The following RFTN1 variants were observed in gnomAD, a reference collection of about 807,000 sequenced individuals.
The protein encoded by RFTN1 is raftlin, lipid raft linker 1, also known as raftlin.
Under a neutral mutation model 46.5 loss-of-function variants are expected in RFTN1, and 26 were observed. The observed-to-expected ratio is 0.56, with a 90% CI of 0.41 to 0.78. RFTN1 has a LOEUF of 0.78. Ranked by LOEUF, RFTN1 falls within the 30% of genes least tolerant of loss-of-function variation. RFTN1 has a pLI of 0.00. For missense variants in RFTN1, 693 were observed against 718.7 expected (o/e 0.96, Z 0.41); for synonymous variants, 261 against 284.2 (o/e 0.92, Z 0.82).
intron 3 of RFTN1, among the ~76,000 whole-genome samples, chr3:16,423,856 A>T (rs2075241778): frequency 6.6e-6 from 1 of 152,204 alleles, no homozygotes; most frequent in Non-Finnish European, 1.5e-5. Flanking sequence ...TCTAACAAAG[A>T]CTGCTACCTT....
Position 16,317,842 on chromosome 3 carries a change from C to T in RFTN1, c.1333-610G>A, listed in dbSNP as rs2068589237. Among the ~76,000 whole-genome samples, 1 of 152,178 alleles carries T rather than the reference C, an allele frequency of 6.6e-6. No homozygotes were observed. The highest frequency in any genetic ancestry group is 2.4e-5 in the African/African-American group (1 of 41,438). The stretch of plus-strand genomic sequence containing the variant: ...GGCAACCTACAACCAATGACTGCCC[C>T]AGGTGGGATACAACAACCCATTTCC... On this transcript the variant is annotated intron_variant, in intron 9 of 9. Coordinates refer to ENST00000334133, the MANE Select transcript of RFTN1 (RefSeq NM_015150.2). This position sits in a 1 kb window ranked among gnomAD's most constrained non-coding sequence, Gnocchi z 4.3.
chr3:16,377,219 G>T (rs2073809556), intron 5 of RFTN1, among the ~76,000 whole-genome samples: 2 of 151,990 alleles, frequency 1.3e-5, no homozygotes, highest in Non-Finnish European at 2.9e-5. Context: ...AGGCGTGAAG[G>T]GATGGTGGGT....
At position 16,498,064 on chromosome 3, in the gene RFTN1, T is replaced by C. The variant is rs982262532; in HGVS notation, c.-8-4187A>G. On this transcript the variant is annotated intron_variant, in intron 1 of 9. Transcript: ENST00000334133. The surrounding 1 kb of genome is among the most constrained non-coding windows in gnomAD (Gnocchi z 5.2). Reference sequence around the variant, plus strand: ...CTGCCCCAGCTCATCCCAAAGGGCATTGTGCTTGATATCACAGGACATAAA... The same window carrying C: ...CTGCCCCAGCTCATCCCAAAGGGCACTGTGCTTGATATCACAGGACATAAA... Among the ~76,000 whole-genome samples, 1 of 152,168 alleles carries C rather than the reference T, an allele frequency of 6.6e-6. No homozygotes were observed. Among genetic ancestry groups the C allele is most frequent in the African/African-American group, 2.4e-5 (1 of 41,448 alleles).
rs964561547 is a variant in RFTN1 at position 16,316,796 on chromosome 3, C to T, written c.*32G>A. 7 of 1,612,346 alleles carry T rather than the reference C, an allele frequency of 4.3e-6. No individual in the cohort carries two copies. Among genetic ancestry groups the T allele is most frequent in the Middle Eastern group, 1.7e-4 (1 of 6,050 alleles). Reference sequence around the variant, plus strand: ...TGGTAAGATGCCTTGGGTTTGGCAACTCACCTAGTTTTAGCACAAATTGCC... The same window carrying T: ...TGGTAAGATGCCTTGGGTTTGGCAATTCACCTAGTTTTAGCACAAATTGCC... On this transcript the variant is annotated 3_prime_UTR_variant, in exon 10 of 10. Coordinates refer to ENST00000334133, the MANE Select transcript of RFTN1 (RefSeq NM_015150.2). The surrounding 1 kb of genome is among the most constrained non-coding windows in gnomAD (Gnocchi z 4.5).
At position 16,465,928 on chromosome 3, in the gene RFTN1, C is replaced by T. The variant is rs191932096; in HGVS notation, c.145+27797G>A. Among the ~76,000 whole-genome samples, 5 of 152,306 alleles carry T rather than the reference C, an allele frequency of 3.3e-5. No individual in the cohort carries two copies. In the East Asian group the frequency reaches 5.8e-4, roughly 18 times the overall value. Reference sequence around the variant, plus strand: ...TAAAAGTTGAGAAACAAAAAGCTCTCGGGCCTCCCTGACAAGATTCCATAG... The same window carrying T: ...TAAAAGTTGAGAAACAAAAAGCTCTTGGGCCTCCCTGACAAGATTCCATAG... On this transcript the variant is annotated intron_variant, in intron 2 of 9. Transcript: ENST00000334133. The surrounding 1 kb of genome is among the most constrained non-coding windows in gnomAD (Gnocchi z 5.1).
Position 16,402,510 on chromosome 3 carries a change from G to A in RFTN1, c.441+6865C>T, listed in dbSNP as rs1300423502. Among the ~76,000 whole-genome samples, 1 of 152,066 alleles carries A rather than the reference G, an allele frequency of 6.6e-6. No homozygotes were observed. The highest frequency in any genetic ancestry group is 1.5e-5 in the Non-Finnish European group (1 of 68,016). On this transcript the variant is annotated intron_variant, in intron 4 of 9. Transcript: ENST00000334133. The surrounding 1 kb of genome is among the most constrained non-coding windows in gnomAD (Gnocchi z 4.5). ...GTTCTGGTGCAGCAAGCACAGGAGA[G>A]CCTTTTTAACATAATTTTCATTTCA...
At chr3:16,462,351 T>A (rs2076020430) in intron 2 of RFTN1, among the ~76,000 whole-genome samples, 1 of 152,262 alleles carries the variant, frequency 6.6e-6, no homozygotes, top group Non-Finnish European at 1.5e-5. Context: ...CCAAAGGATG[T>A]GTCCATGTCC....
intron 1 of RFTN1, among the ~76,000 whole-genome samples, 166 bp from the exon 2 acceptor site, chr3:16,494,043 G>A (rs1226014084): frequency 6.6e-6 from 1 of 152,112 alleles, no homozygotes; most frequent in African/African-American, 2.4e-5. Flanking sequence ...ACAGAGGACT[G>A]TGCTCAGTAC....
rs1302050614 is a variant in RFTN1 at position 16,321,282 on chromosome 3, AAGG to A, written c.1332+2091_1332+2093del. Among the ~76,000 whole-genome samples the A allele has an allele frequency of 6.6e-6, 1 of 152,096 alleles. No homozygotes were observed. The highest frequency in any genetic ancestry group is 1.9e-4 in the East Asian group (1 of 5,196). ...AATGGTCATTGGCACAGAGGTGGTG[AAGG>A]AGATTTTCTAAGGAAGAGGCAAGAG... On this transcript the variant is annotated intron_variant, in intron 9 of 9. Transcript: ENST00000334133. This position sits in a 1 kb window ranked among gnomAD's most constrained non-coding sequence, Gnocchi z 4.8.
chr3:16,381,990 C>G lies in RFTN1; in HGVS notation c.442-3888G>C, dbSNP rs1313593040. ...AATGCTCATCTTTTACCTTCAACTT[C>G]AGCACAAATTTTGTATCTTATACCA... On this transcript the variant is annotated intron_variant, in intron 4 of 9. Coordinates refer to ENST00000334133, the MANE Select transcript of RFTN1 (RefSeq NM_015150.2). This position sits in a 1 kb window ranked among gnomAD's most constrained non-coding sequence, Gnocchi z 4.2. Among the ~76,000 whole-genome samples, 1 of 152,182 alleles carries G rather than the reference C, an allele frequency of 6.6e-6. No individual in the cohort carries two copies. Among genetic ancestry groups the G allele is most frequent in the African/African-American group, 2.4e-5 (1 of 41,442 alleles).
intron 5 of RFTN1, among the ~76,000 whole-genome samples, chr3:16,375,261 A>C (rs2125371663): frequency 6.6e-6 from 1 of 152,162 alleles, no homozygotes; most frequent in East Asian, 1.9e-4. Context: ...CCTAGGAGAA[A>C]GATTAGGAGA....
chr3:16,378,044 G>A lies in RFTN1; in HGVS notation c.500C>T (p.Ser167Phe). 6.2e-7 allele frequency: 1 copy of A among 1,614,278 alleles called. No individual in the cohort carries two copies. Among genetic ancestry groups the A allele is most frequent in the Non-Finnish European group, 8.5e-7 (1 of 1,180,056 alleles). Residue 167 changes from serine (S) to phenylalanine (F), a missense_variant, in exon 5 of 10, where the codon TCC (serine) becomes TTC (phenylalanine). Coordinates refer to ENST00000334133, the MANE Select transcript of RFTN1 (RefSeq NM_015150.2). ...KFVGVIPQYH[S>F]SVNSAGSSAP... ...ACTGCTGCCTGCCGAGTTCACAGAG[G>A]AATGGTACTGAGGTATAACACCAAC...
chr3:16,434,030 G>A lies in RFTN1; in HGVS notation c.153C>T (p.Leu51=). The change falls in exon 3 of 10, where the codon CTC becomes CTT. Residue 51 remains leucine (L), a synonymous_variant. Transcript: ENST00000334133. ...LEFTTLSAAE[L]PGSSAVRLAS... ...CCAGCCTCACTGCTGAGGACCCAGG[G>A]AGCTCCGCTGGAGTGGAGAGAGGAG... is the stretch of plus-strand genomic sequence containing the variant. 3 of 1,596,756 alleles carry A rather than the reference G, an allele frequency of 1.9e-6. No individual in the cohort carries two copies. Among genetic ancestry groups the A allele is most frequent in the Non-Finnish European group, 1.7e-6 (2 of 1,173,342 alleles).
rs2071868606 is a variant in RFTN1 at position 16,348,280 on chromosome 3, A to C, written c.1146+9652T>G. On this transcript the variant is annotated intron_variant, in intron 7 of 9. Transcript: ENST00000334133. This position sits in a 1 kb window ranked among gnomAD's most constrained non-coding sequence, Gnocchi z 6.3. Reference sequence around the variant, plus strand: ...GATCACTGACATTATCCATAATCAGAGGCGTCTAGGAGATCACCCACATTA... The same window carrying C: ...GATCACTGACATTATCCATAATCAGCGGCGTCTAGGAGATCACCCACATTA... Among the ~76,000 whole-genome samples the C allele has an allele frequency of 6.6e-6, 1 of 152,062 alleles. No homozygotes were observed. Among genetic ancestry groups the C allele is most frequent in the African/African-American group, 2.4e-5 (1 of 41,390 alleles).
At chr3:16,495,777 G>GCC (rs1488036711) in intron 1 of RFTN1, among the ~76,000 whole-genome samples, 3 of 152,220 alleles carry the variant, frequency 2.0e-5, no homozygotes, top group Non-Finnish European at 4.4e-5. Context: ...CGAAAAAGGT[G>GCC]CCCCCTCTTC....
At chr3:16,375,366 A>G (rs1448575573) in intron 5 of RFTN1, among the ~76,000 whole-genome samples, 1 of 152,018 alleles carries the variant, frequency 6.6e-6, no homozygotes, top group African/African-American at 2.4e-5. Flanking sequence ...TGTGATAAAG[A>G]AATTTAACTA....
intron 2 of RFTN1, among the ~76,000 whole-genome samples, chr3:16,485,516 A>G (rs905823388): frequency 1.3e-5 from 2 of 152,268 alleles, no homozygotes; most frequent in African/African-American, 4.8e-5. Flanking sequence ...CTGCAAAGGC[A>G]TTAGGCTGAG....
rs898629881 is a variant in RFTN1, at chr3:16,334,588, A to C, written c.1147-7712T>G. Among the ~76,000 whole-genome samples the C allele has an allele frequency of 6.6e-6, 1 of 152,178 alleles. No homozygotes were observed. ...CTGGGCAATGGCTGCTCATGTGTTGAGCCGGGGCATACAGGATGAAGAGGG... is the reference window on the plus strand; with the variant it reads ...CTGGGCAATGGCTGCTCATGTGTTGCGCCGGGGCATACAGGATGAAGAGGG... On this transcript the variant is annotated intron_variant, in intron 7 of 9. Coordinates refer to ENST00000334133, the MANE Select transcript of RFTN1 (RefSeq NM_015150.2). This position sits in a 1 kb window ranked among gnomAD's most constrained non-coding sequence, Gnocchi z 4.3.
rs1245644610 is a variant in RFTN1, at chr3:16,356,161, G to C, written c.1146+1771C>G. Among the ~76,000 whole-genome samples the C allele has an allele frequency of 1.3e-5, 2 of 152,332 alleles. No homozygotes were observed. The highest frequency in any genetic ancestry group is 2.4e-5 in the African/African-American group (1 of 41,572). On this transcript the variant is annotated intron_variant, in intron 7 of 9. Transcript: ENST00000334133. The surrounding 1 kb of genome is among the most constrained non-coding windows in gnomAD (Gnocchi z 4.9). ...CTGCCCAGCTTACAAGTTGAGGAAG[G>C]ACAGGGTCCTGAGAGGTGACAGGAC...
Sources: gnomAD v4.1 joint callset for allele counts (sites outside exome capture counted in the v4.1 genomes callset) on GRCh38, gnomAD v4.1.1 for gene constraint, Gnocchi (gnomAD v3.1) non-coding constraint, MANE v1.5 for transcripts, NCBI Gene and HGNC (gene_info 2026-07-23, HGNC 2026-07-21) for gene names.